The following SLC25A21 variants were observed in gnomAD, a reference collection of about 807,000 sequenced individuals.
The protein encoded by SLC25A21 is mitochondrial 2-oxodicarboxylate carrier.
In SLC25A21, 47 loss-of-function variants were observed where a neutral mutation model predicts 43.8. The observed-to-expected ratio is 1.07, with a 90% CI of 0.85 to 1.37. The LOEUF is 1.37. SLC25A21 is among the 40% of genes most tolerant of loss of function. The pLI, the probability that SLC25A21 is intolerant of heterozygous loss-of-function variation, is 0.00. For missense variants in SLC25A21, 352 were observed against 350.2 expected (o/e 1.00, Z -0.04); for synonymous variants, 131 against 121.3 (o/e 1.08, Z -0.52).
At chr14:36,994,527 C>G (rs1392620833) in intron 1 of SLC25A21, among the ~76,000 whole-genome samples, 3 of 152,184 alleles carry the variant, frequency 2.0e-5, no homozygotes, top group South Asian at 4.1e-4. Flanking sequence ...TTGGACCCTT[C>G]CCTGCTGTTC....
intron 1 of SLC25A21, among the ~76,000 whole-genome samples, chr14:36,910,261 G>A (rs79535315): frequency 0.027 from 4,102 of 152,232 alleles, 181 homozygotes; most frequent in African/African-American, 0.092. Context: ...GCATTGGGTC[G>A]TTCTTTCATT....
At chr14:36,987,108 T>C (rs909532610) in intron 1 of SLC25A21, among the ~76,000 whole-genome samples, 7 of 152,156 alleles carry the variant, frequency 4.6e-5, no homozygotes, top group African/African-American at 9.7e-5. Context: ...GAATTATTTA[T>C]AGCAAGGTTA....
At chr14:36,964,349 T>C (rs903928799) in intron 1 of SLC25A21, among the ~76,000 whole-genome samples, 1 of 152,224 alleles carries the variant, frequency 6.6e-6, no homozygotes. Flanking sequence ...TCATGTATGT[T>C]AACAAATTCT....
intron 1 of SLC25A21, among the ~76,000 whole-genome samples, chr14:36,940,666 G>A (rs761396808): frequency 2.0e-5 from 3 of 152,022 alleles, no homozygotes; most frequent in Non-Finnish European, 4.4e-5. Context: ...GAATTTAATC[G>A]TTCTGTGGTC....
intron 1 of SLC25A21, among the ~76,000 whole-genome samples, chr14:37,068,775 A>C (rs17106194): frequency 0.045 from 6,810 of 152,298 alleles, 500 homozygotes; most frequent in African/African-American, 0.15. Context: ...TAAAGATCAT[A>C]AAGAAATAAT....
chr14:37,043,930 ATGTTTTTT>A (rs1301194161), intron 1 of SLC25A21, among the ~76,000 whole-genome samples: 2 of 99,524 alleles, frequency 2.0e-5, no homozygotes, highest in Non-Finnish European at 3.9e-5. Context: ...TGTTTGTTTT[ATGTTTTTT>A]TGTTTTTTTT....
chr14:36,909,284 G>T (rs2138609301), intron 1 of SLC25A21, among the ~76,000 whole-genome samples: 1 of 152,294 alleles, frequency 6.6e-6, no homozygotes, highest in South Asian at 2.1e-4. Flanking sequence ...AATGGCCACT[G>T]CAGCCTTGCA....
chr14:37,002,852 C>G (rs1960518094), intron 1 of SLC25A21, among the ~76,000 whole-genome samples: 1 of 152,134 alleles, frequency 6.6e-6, no homozygotes, highest in African/African-American at 2.4e-5. Flanking sequence ...GGTGTAGCAA[C>G]AGCACTTCAG....
At chr14:36,732,787 G>A (rs1039810509) in intron 4 of SLC25A21, among the ~76,000 whole-genome samples, 2 of 152,090 alleles carry the variant, frequency 1.3e-5, no homozygotes, top group African/African-American at 2.4e-5. Context: ...TAAAATGAAT[G>A]TTTTCATAAA....
intron 1 of SLC25A21, among the ~76,000 whole-genome samples, chr14:36,976,120 G>A (rs1466232796): frequency 1.3e-5 from 2 of 152,132 alleles, no homozygotes; most frequent in African/African-American, 4.8e-5. Context: ...TTGACTAAGA[G>A]GCCACTTGAA....
intron 7 of SLC25A21, among the ~76,000 whole-genome samples, chr14:36,696,709 G>C (rs926815339): frequency 6.6e-6 from 1 of 152,190 alleles, no homozygotes; most frequent in African/African-American, 2.4e-5. Flanking sequence ...GGTGTTTATA[G>C]TATTCTCTGA....
intron 2 of SLC25A21, among the ~76,000 whole-genome samples, chr14:36,867,869 A>G (rs888394143): frequency 6.6e-6 from 1 of 151,502 alleles, no homozygotes; most frequent in Admixed American, 6.6e-5. Flanking sequence ...TATTGCTCCT[A>G]TTTAAATATG....
chr14:37,006,682 C>T (rs903291400), intron 1 of SLC25A21, among the ~76,000 whole-genome samples: 1 of 151,812 alleles, frequency 6.6e-6, no homozygotes, highest in African/African-American at 2.4e-5. Flanking sequence ...CTATTTTCCC[C>T]AACATTTTAA....
At chr14:36,707,608 T>C (rs1316982302) in intron 7 of SLC25A21, among the ~76,000 whole-genome samples, 3 of 152,180 alleles carry the variant, frequency 2.0e-5, no homozygotes, top group African/African-American at 4.8e-5. Context: ...TGCTATCTAA[T>C]AGAGAATTCA....
intron 1 of SLC25A21, among the ~76,000 whole-genome samples, chr14:37,037,183 C>T (rs180707423): frequency 1.4e-3 from 208 of 152,256 alleles, no homozygotes; most frequent in African/African-American, 5.0e-3. Context: ...AATTTTCACA[C>T]AATTTACTAA....
chr14:36,972,206 C>G (rs1284783033), intron 1 of SLC25A21, among the ~76,000 whole-genome samples: 1 of 152,116 alleles, frequency 6.6e-6, no homozygotes, highest in Non-Finnish European at 1.5e-5. Context: ...TAGGTTATAG[C>G]ATATAGTCTA....
chr14:37,051,497 C>T (rs1961705332), intron 1 of SLC25A21, among the ~76,000 whole-genome samples: 1 of 152,144 alleles, frequency 6.6e-6, no homozygotes, highest in Admixed American at 6.5e-5. Context: ...AACTCCTAGG[C>T]TATGGTGACC....
rs144154306 is a variant in SLC25A21, at chr14:36,917,896, G to A, written c.71-42892C>T. On this transcript the variant is annotated intron_variant, in intron 1 of 9. Coordinates refer to ENST00000331299, the MANE Select transcript of SLC25A21 (RefSeq NM_030631.4). ...TTATTTTCAATCAATTACAACTGAA[G>A]AGGATGTTAAATGTTCTCATCTGAA... Among the ~76,000 whole-genome samples the A allele has an allele frequency of 5.3e-5, 8 of 152,218 alleles. No homozygotes were observed. The East Asian group carries it at 1.5e-3, about 29-fold the overall frequency.
chr14:36,969,418 A>C lies in SLC25A21; in HGVS notation c.71-94414T>G, dbSNP rs113147087. 2.0e-5 allele frequency among the ~76,000 whole-genome samples: 3 copies of C among 152,310 alleles called. 1 individual carries two copies. The highest frequency in any genetic ancestry group is 7.2e-5 in the African/African-American group (3 of 41,584). On this transcript the variant is annotated intron_variant, in intron 1 of 9. Coordinates refer to ENST00000331299, the MANE Select transcript of SLC25A21 (RefSeq NM_030631.4). ...ACCTGACACATGAAGGCCTGAAATC[A>C]TACTCTGACTTTTGCTGTCAACTGA... is the stretch of plus-strand genomic sequence containing the variant.
Sources: gnomAD v4.1 joint callset for allele counts (sites outside exome capture counted in the v4.1 genomes callset) on GRCh38, gnomAD v4.1.1 for gene constraint, MANE v1.5 for transcripts, NCBI Gene and HGNC (gene_info 2026-07-23, HGNC 2026-07-21) for gene names.